The following ADAMTSL1 variants were observed in gnomAD, a reference collection of about 807,000 sequenced individuals.
ADAMTSL1 encodes the protein ADAMTS like 1.
A neutral mutation model predicts 201.8 loss-of-function variants in ADAMTSL1; 126 were observed. That is an observed-to-expected ratio of 0.62 (90% confidence interval 0.54 to 0.72). The LOEUF (loss-of-function observed/expected upper bound fraction) is 0.72. Among genes scored for constraint, ADAMTSL1 ranks in the 30% least tolerant of loss-of-function variants. The probability of loss-of-function intolerance (pLI) is 0.00; values close to 1 mark genes in which losing one functional copy is unlikely to be tolerated. For missense variants in ADAMTSL1, 2,679 were observed against 2,277.8 expected (o/e 1.18, Z -3.59); for synonymous variants, 1,121 against 903.4 (o/e 1.24, Z -4.32).
rs1277644963 is a variant in ADAMTSL1 at position 18,712,105 on chromosome 9, A to G, written c.1876+5057A>G. The stretch of plus-strand genomic sequence containing the variant: ...ACCAAAAACCCATCTGTACATCACC[A>G]TCATCAAAGACCAAAAGTAGATAAA... On this transcript the variant is annotated intron_variant, in intron 14 of 28. Coordinates refer to ENST00000380548, the MANE Select transcript of ADAMTSL1 (RefSeq NM_001040272.6). Among the ~76,000 whole-genome samples the G allele has an allele frequency of 9.2e-5, 14 of 151,476 alleles. No homozygotes were observed. The East Asian group carries it at 2.5e-3, about 27-fold the overall frequency.
At chr9:18,482,140 G>A (rs1338347071) in intron 1 of ADAMTSL1, among the ~76,000 whole-genome samples, 1 of 152,190 alleles carries the variant, frequency 6.6e-6, no homozygotes, top group Non-Finnish European at 1.5e-5. Flanking sequence ...ATGACCTTGT[G>A]CATCAAAAGT....
chr9:18,451,472 GAAGAA>G (rs1191764175), intron 2 of ADAMTSL1, among the ~76,000 whole-genome samples: 1 of 152,232 alleles, frequency 6.6e-6, no homozygotes, highest in Non-Finnish European at 1.5e-5. Flanking sequence ...GGACAGAAGA[GAAGAA>G]TTGTGTTACT....
chr9:18,010,777 A>C (rs1048447634), intron 1 of ADAMTSL1, among the ~76,000 whole-genome samples: 1 of 151,996 alleles, frequency 6.6e-6, no homozygotes, highest in Admixed American at 6.6e-5. Flanking sequence ...GCAATTACCA[A>C]ACCCGACACC....
intron 1 of ADAMTSL1, among the ~76,000 whole-genome samples, chr9:18,087,383 A>G (rs1029303639): frequency 5.3e-5 from 8 of 152,270 alleles, no homozygotes; most frequent in African/African-American, 1.9e-4. Flanking sequence ...TAGTTTGGAA[A>G]CATCCACGTA....
chr9:18,844,118 T>G (rs920643445), intron 23 of ADAMTSL1, among the ~76,000 whole-genome samples: 1 of 152,228 alleles, frequency 6.6e-6, no homozygotes, highest in African/African-American at 2.4e-5. Flanking sequence ...GCTCTGTTTT[T>G]TAGAGTTTCC....
intron 22 of ADAMTSL1, among the ~76,000 whole-genome samples, chr9:18,826,742 A>C (rs995476383): frequency 1.7e-4 from 26 of 152,354 alleles, no homozygotes; most frequent in African/African-American, 5.5e-4. Context: ...GAGACTCCAG[A>C]CAGGAGGATT....
chr9:18,115,456 G>A (rs2131896249), intron 1 of ADAMTSL1, among the ~76,000 whole-genome samples: 1 of 152,178 alleles, frequency 6.6e-6, no homozygotes, highest in African/African-American at 2.4e-5. Flanking sequence ...ATATTTAACG[G>A]CTGCCAGCAA....
chr9:18,005,424 C>A (rs529314004), intron 1 of ADAMTSL1, among the ~76,000 whole-genome samples: 1 of 152,142 alleles, frequency 6.6e-6, no homozygotes, highest in South Asian at 2.1e-4. Flanking sequence ...AACTTGCTTT[C>A]ATTTAACAGT....
chr9:18,049,692 T>C (rs1358765056), intron 1 of ADAMTSL1, among the ~76,000 whole-genome samples: 4 of 152,110 alleles, frequency 2.6e-5, no homozygotes, highest in Non-Finnish European at 4.4e-5. Context: ...GGTGCCATCT[T>C]GGCTCACTGC....
chr9:18,304,246 C>T (rs1466736628), intron 2 of ADAMTSL1, among the ~76,000 whole-genome samples: 5 of 151,710 alleles, frequency 3.3e-5, no homozygotes, highest in South Asian at 4.1e-4. Flanking sequence ...TTTGAAGTGA[C>T]GGTGGCAAGA....
At chr9:18,247,892 T>C (rs1011471736) in intron 2 of ADAMTSL1, among the ~76,000 whole-genome samples, 1 of 151,928 alleles carries the variant, frequency 6.6e-6, no homozygotes, top group Non-Finnish European at 1.5e-5. Context: ...TATATATGGA[T>C]TGGATACTAA....
At chr9:18,569,095 C>T (rs78680833) in intron 3 of ADAMTSL1, among the ~76,000 whole-genome samples, 28 of 152,112 alleles carry the variant, frequency 1.8e-4, no homozygotes, top group African/African-American at 5.3e-4. Flanking sequence ...ACATTTCACC[C>T]GGTGAGTAAA....
At chr9:18,779,250 C>T (rs139922863) in intron 19 of ADAMTSL1, among the ~76,000 whole-genome samples, 19 of 152,274 alleles carry the variant, frequency 1.2e-4, no homozygotes, top group East Asian at 3.9e-4. Flanking sequence ...TTCTGAGACT[C>T]GGTGAATAGA....
intron 1 of ADAMTSL1, among the ~76,000 whole-genome samples, chr9:18,089,020 G>A (rs1284753969): frequency 2.0e-5 from 3 of 152,156 alleles, no homozygotes; most frequent in African/African-American, 7.2e-5. Flanking sequence ...TACACAAAAT[G>A]TGGTATATAT....
At chr9:18,839,483 G>T (rs557625504) in intron 23 of ADAMTSL1, among the ~76,000 whole-genome samples, 2 of 152,106 alleles carry the variant, frequency 1.3e-5, no homozygotes, top group South Asian at 2.1e-4. Context: ...GAATAGTGCC[G>T]CAATAAACAT....
chr9:18,688,255 C>T (rs1272221500), intron 13 of ADAMTSL1, among the ~76,000 whole-genome samples: 2 of 151,734 alleles, frequency 1.3e-5, no homozygotes, highest in African/African-American at 2.4e-5. Flanking sequence ...TCCCGCATAG[C>T]TGGGATTACA....
intron 2 of ADAMTSL1, among the ~76,000 whole-genome samples, chr9:18,223,222 C>T (rs929701148): frequency 6.6e-5 from 10 of 151,926 alleles, no homozygotes; most frequent in African/African-American, 2.4e-4. Context: ...TTTTTGAGCA[C>T]GAACATGATA....
intron 2 of ADAMTSL1, among the ~76,000 whole-genome samples, chr9:18,245,359 A>T (rs1359077047): frequency 6.6e-6 from 1 of 152,156 alleles, no homozygotes; most frequent in Admixed American, 6.6e-5. Context: ...TGTGATAGTA[A>T]ATCTTAGGAA....
At chr9:18,021,771 T>C (rs1402765189) in intron 1 of ADAMTSL1, among the ~76,000 whole-genome samples, 1 of 152,162 alleles carries the variant, frequency 6.6e-6, no homozygotes, top group Non-Finnish European at 1.5e-5. Flanking sequence ...ATTTATATAC[T>C]CTTTTAAGCT....
Sources: allele counts gnomAD v4.1 joint callset (sites outside exome capture counted in the v4.1 genomes callset), GRCh38; gene constraint gnomAD v4.1.1; transcripts MANE v1.5; gene names NCBI Gene and HGNC (gene_info 2026-07-23, HGNC 2026-07-21).